The following MPDZ variants were observed in gnomAD, a reference collection of about 807,000 sequenced individuals.
The protein encoded by MPDZ is multiple PDZ domain protein.
MPDZ carries 234 observed loss-of-function variants against 239.1 expected under a neutral mutation model. The observed-to-expected ratio is 0.98, with a 90% confidence interval of 0.88 to 1.09. The LOEUF (loss-of-function observed/expected upper bound fraction) is 1.09. Among genes scored for constraint, MPDZ ranks in the 50% least tolerant of loss-of-function variants. MPDZ has a pLI of 0.00. For missense variants in MPDZ, 3,175 were observed against 2,510.0 expected, an observed-to-expected ratio of 1.26 and a Z score of -5.66; for synonymous variants, 1,048 against 881.3, an observed-to-expected ratio of 1.19 and a Z score of -3.35.
At chr9:13,203,434 G>A (rs1013645016) in intron 12 of MPDZ, among the ~76,000 whole-genome samples, 4 of 152,070 alleles carry the variant, frequency 2.6e-5, no homozygotes, top group African/African-American at 7.2e-5. Flanking sequence ...CCAACCTTTA[G>A]CAGAACAACT....
intron 1 of MPDZ, among the ~76,000 whole-genome samples, chr9:13,269,165 C>G (rs2131895): frequency 0.011 from 1,744 of 152,222 alleles, 34 homozygotes; most frequent in African/African-American, 0.039. Flanking sequence ...ATGAGTGAGA[C>G]AAACAGAGGT....
In MPDZ at chr9:13,136,492, C is replaced by G. The variant is rs547448581; in HGVS notation, c.4292+220G>C. ...GACTACAGGTGCGTGCCACCACGCC[C>G]GGCTAATTTTTTTTTAGTAGAGACG... is the stretch of plus-strand genomic sequence containing the variant. On this transcript the variant is annotated intron_variant, in intron 30 of 46. Transcript: ENST00000319217. Among the ~76,000 whole-genome samples, 4 of 151,386 alleles carry G rather than the reference C, an allele frequency of 2.6e-5. No homozygotes were observed. In the South Asian group the frequency reaches 8.4e-4, roughly 32 times the overall value.
chr9:13,251,959 C>G (rs1003116446), intron 1 of MPDZ, among the ~76,000 whole-genome samples: 3 of 152,148 alleles, frequency 2.0e-5, no homozygotes. Context: ...ATCTCAACCT[C>G]AGTTTCTTTT....
intron 23 of MPDZ, among the ~76,000 whole-genome samples, chr9:13,161,358 T>A (rs1950463709): frequency 6.6e-6 from 1 of 151,876 alleles, no homozygotes; most frequent in Non-Finnish European, 1.5e-5. Context: ...TCACCTGAGG[T>A]CAGGAGTTCA....
At chr9:13,152,689 G>A (rs901822498) in intron 24 of MPDZ, among the ~76,000 whole-genome samples, 2 of 151,792 alleles carry the variant, frequency 1.3e-5, no homozygotes, top group Non-Finnish European at 2.9e-5. Context: ...CTCCACTCTA[G>A]CTACCACATC....
In MPDZ at chr9:13,143,385, C is replaced by A. The variant is rs1034189988; in HGVS notation, c.3840+81G>T. ...CTGCCCAAATGTAGCAAATAGTGAA[C>A]TGGGACAAAGACACAGTAGTAACAA... On this transcript the variant is annotated intron_variant, in intron 27 of 46. Transcript: ENST00000319217. 3.7e-6 allele frequency: 4 copies of A among 1,069,962 alleles called. No individual in the cohort carries two copies. The African/African-American group carries it at 6.4e-5, about 17-fold the overall frequency. The allele number at this position is 1,069,962 out of a possible 1,614,324, so 66.3% of individuals were successfully genotyped here.
At position 13,177,645 on chromosome 9, in the gene MPDZ, A is replaced by T. The variant is rs185980454; in HGVS notation, c.2650-1228T>A. On this transcript the variant is annotated intron_variant, in intron 19 of 46. Transcript: ENST00000319217. ...TTCTTATGGCTGTAAGTTATTCCTAAGTATGAAAGACAGTGGTGTGTAGAC... is the reference window on the plus strand; with the variant it reads ...TTCTTATGGCTGTAAGTTATTCCTATGTATGAAAGACAGTGGTGTGTAGAC... Among the ~76,000 whole-genome samples, 550 of 152,298 alleles carry T rather than the reference A, an allele frequency of 3.6e-3. 2 individuals are homozygous for T. Among genetic ancestry groups the T allele is most frequent in the African/African-American group, 0.012 (511 of 41,572 alleles).
At chr9:13,150,459 T>C in intron 25 of MPDZ, 52 bp downstream of exon 25, 1 of 1,345,682 alleles carries the variant, frequency 7.4e-7, no homozygotes, top group Non-Finnish European at 9.8e-7. Context: ...AAAAAATAAA[T>C]AAATAAAACA....
intron 32 of MPDZ, among the ~76,000 whole-genome samples, chr9:13,131,704 A>T (rs1431511252): frequency 1.3e-5 from 2 of 152,198 alleles, no homozygotes; most frequent in Non-Finnish European, 2.9e-5. Flanking sequence ...TACTTTCTAG[A>T]GGGTGGATGC....
Position 13,188,869 on chromosome 9 carries a change from T to G in MPDZ, c.2279A>C (p.Glu760Ala). The G allele has an allele frequency of 6.2e-7, 1 of 1,613,602 alleles. No homozygotes were observed. The change falls in exon 17 of 47, where the codon GAA becomes GCA. Residue 760 changes from glutamate to alanine, a missense_variant. Physicochemically the swap from Glu to Ala is moderately radical, Grantham distance 107. Transcript: ENST00000319217. ...RLMFVNDVNL[E>A]NSSLEEAVEA... is the part of the protein sequence containing the mutation. The stretch of plus-strand genomic sequence containing the variant: ...TACAGCTTCCTCAAGACTGCTGTTT[T>G]CCAAGTTAACATCGTTTACAAACAT...
At chr9:13,134,469 G>A (rs2132166178) in intron 31 of MPDZ, 1 of 152,276 alleles carries the variant, frequency 6.6e-6, no homozygotes, top group African/African-American at 2.4e-5. Context: ...GCCGGAATGA[G>A]ACAATGATTT....
At chr9:13,256,289 A>G (rs1394444638) in intron 1 of MPDZ, among the ~76,000 whole-genome samples, 1 of 152,144 alleles carries the variant, frequency 6.6e-6, no homozygotes, top group African/African-American at 2.4e-5. Context: ...CAGACCACTA[A>G]AACTTTCTCC....
At chr9:13,263,836 TTAAA>T (rs1267414297) in intron 1 of MPDZ, among the ~76,000 whole-genome samples, 2 of 152,194 alleles carry the variant, frequency 1.3e-5, no homozygotes, top group Non-Finnish European at 2.9e-5. Context: ...CTGTTTCAGT[TTAAA>T]TAAAACTTAT....
At chr9:13,115,417 A>G (rs929869794) in intron 39 of MPDZ, 83 bp from the exon 40 acceptor site, 24 of 1,201,016 alleles carry the variant, frequency 2.0e-5, no homozygotes, top group Middle Eastern at 1.9e-4. Context: ...TTTACTCTTC[A>G]AGACTTTTTT....
At chr9:13,189,215 C>T (rs906962792) in intron 16 of MPDZ, among the ~76,000 whole-genome samples, 3 of 152,080 alleles carry the variant, frequency 2.0e-5, no homozygotes, top group Non-Finnish European at 2.9e-5. Context: ...CCCTCACTTC[C>T]TAATGTTCCT....
At position 13,125,208 on chromosome 9, in the gene MPDZ, G is replaced by T. The variant is rs777913686; in HGVS notation, c.4807+8C>A. On this transcript the variant is annotated splice_region_variant and intron_variant, in intron 35 of 46. Transcript: ENST00000319217. ...TGTGCAGGACTCTCATGAGTCCAGAGGCCTTACTTCGGATGGACTCCGGTT... is the reference window on the plus strand; with the variant it reads ...TGTGCAGGACTCTCATGAGTCCAGATGCCTTACTTCGGATGGACTCCGGTT... 6.3e-7 allele frequency: 1 copy of T among 1,582,326 alleles called. No individual in the cohort carries two copies. The highest frequency in any genetic ancestry group is 8.6e-7 in the Non-Finnish European group (1 of 1,161,752).
intron 43 of MPDZ, 136 bp downstream of exon 43, chr9:13,111,888 C>T: frequency 2.7e-6 from 2 of 731,234 alleles, no homozygotes; most frequent in Non-Finnish European, 4.0e-6. Context: ...GCAAGCCTTG[C>T]TGTGGTTGGA....
In MPDZ at chr9:13,236,745, T is replaced by G. The variant is rs1229018786; in HGVS notation, c.183+10890A>C. Among the ~76,000 whole-genome samples the G allele has an allele frequency of 4.6e-5, 7 of 152,100 alleles. No individual in the cohort carries two copies. The East Asian group carries it at 1.4e-3, about 29-fold the overall frequency. On this transcript the variant is annotated intron_variant, in intron 3 of 46. Transcript: ENST00000319217. ...ATAAAGATTGGAAAATAACTTGAAG[T>G]TAAAACATAGTTTTGTTTTAAAGTC...
chr9:13,169,590 G>T lies in MPDZ; in HGVS notation c.3056-1026C>A, dbSNP rs978380409. 2.6e-5 allele frequency among the ~76,000 whole-genome samples: 4 copies of T among 151,786 alleles called. No homozygotes were observed. In the South Asian group the frequency reaches 8.3e-4, roughly 32 times the overall value. On this transcript the variant is annotated intron_variant, in intron 21 of 46. Transcript: ENST00000319217. Reference sequence around the variant, plus strand: ...TTTGCAAAAGCCTCCTTCCTAACTGGTCACCTGCCTTCCATGATTGTCTCC... The same window carrying T: ...TTTGCAAAAGCCTCCTTCCTAACTGTTCACCTGCCTTCCATGATTGTCTCC...
Sources: allele counts gnomAD v4.1 joint callset (sites outside exome capture counted in the v4.1 genomes callset), GRCh38; gene constraint gnomAD v4.1.1; transcripts MANE v1.5; gene names NCBI Gene and HGNC (gene_info 2026-07-23, HGNC 2026-07-21).